DSCAM: variants seen among roughly 807,000 people sequenced by gnomAD.
DSCAM encodes DS cell adhesion molecule.
Under a neutral mutation model 217.7 loss-of-function variants are expected in DSCAM, and 47 were observed. The ratio of observed to expected loss-of-function variants is 0.22; its 90% confidence interval spans 0.17 to 0.28. The LOEUF (loss-of-function observed/expected upper bound fraction) is 0.28. Among genes scored for constraint, DSCAM ranks in the 10% least tolerant of loss-of-function variants. The pLI is 1.00. For missense variants in DSCAM, 2,080 were observed against 2,618.3 expected (o/e 0.79, Z 4.49); for synonymous variants, 1,056 against 1,015.3 (o/e 1.04, Z -0.76).
chr21:40,185,648 C>G (rs1481294435), intron 14 of DSCAM, among the ~76,000 whole-genome samples: 1 of 152,246 alleles, frequency 6.6e-6, no homozygotes, highest in Non-Finnish European at 1.5e-5. Context: ...ATCACTGTCA[C>G]TAAGTTCCAG....
intron 3 of DSCAM, among the ~76,000 whole-genome samples, chr21:40,504,531 G>A (rs1049422633): frequency 6.6e-6 from 1 of 152,234 alleles, no homozygotes; most frequent in Non-Finnish European, 1.5e-5. Context: ...GCTTTAACCT[G>A]TCAGCATGGC....
chr21:40,756,523 C>A (rs971859424), intron 1 of DSCAM, among the ~76,000 whole-genome samples: 1 of 151,972 alleles, frequency 6.6e-6, no homozygotes, highest in Non-Finnish European at 1.5e-5. Context: ...TCCCAAGTAG[C>A]TGGGATTACA....
At chr21:40,176,334 C>A (rs2090730468) in intron 15 of DSCAM, among the ~76,000 whole-genome samples, 1 of 151,990 alleles carries the variant, frequency 6.6e-6, no homozygotes, top group South Asian at 2.1e-4. Flanking sequence ...TGGGGGGCAT[C>A]CTCGTGTGCC....
intron 20 of DSCAM, among the ~76,000 whole-genome samples, chr21:40,118,514 G>A (rs934282444): frequency 6.6e-6 from 1 of 152,184 alleles, no homozygotes; most frequent in Non-Finnish European, 1.5e-5. Context: ...TTGAACCTGG[G>A]AGGTGGAGGT....
At chr21:40,080,940 A>G (rs954162309) in intron 24 of DSCAM, among the ~76,000 whole-genome samples, 1 of 152,100 alleles carries the variant, frequency 6.6e-6, no homozygotes, top group African/African-American at 2.4e-5. Context: ...TACTTTTACA[A>G]CTAGTAAGGA....
At position 40,012,956 on chromosome 21, in the gene DSCAM, G is replaced by A; in HGVS notation, c.*78C>T. On this transcript the variant is annotated 3_prime_UTR_variant, in exon 33 of 33. Transcript: ENST00000400454. ...GCAATTTTCTTTAATTATAAATATT[G>A]GAATTCCGTAAAAAAAAGGTAGCTT... 9.5e-7 allele frequency: 1 copy of A among 1,051,514 alleles called. No individual in the cohort carries two copies. The highest frequency in any genetic ancestry group is 1.3e-6 in the Non-Finnish European group (1 of 795,446). 65.1% of individuals were successfully genotyped at this position (1,051,514 alleles called of 1,614,324 possible).
At position 40,013,402 on chromosome 21, in the gene DSCAM, G is replaced by C; in HGVS notation, c.5687-16C>G. On this transcript the variant is annotated splice_polypyrimidine_tract_variant and intron_variant, in intron 32 of 32. Coordinates refer to ENST00000400454, the MANE Select transcript of DSCAM (RefSeq NM_001389.5). ...ATGAGGTCACCTAGAAGGAAAGACAGGGTAGTTAGTTGGTGTCTTCATTTG... is the reference window on the plus strand; with the variant it reads ...ATGAGGTCACCTAGAAGGAAAGACACGGTAGTTAGTTGGTGTCTTCATTTG... 1 of 1,508,340 alleles carries C rather than the reference G, an allele frequency of 6.6e-7. No homozygotes were observed. The highest frequency in any genetic ancestry group is 8.9e-7 in the Non-Finnish European group (1 of 1,126,564). The allele number at this position is 1,508,340 out of a possible 1,614,324, so 93.4% of individuals were successfully genotyped here.
At chr21:40,701,139 C>A (rs1033813337) in intron 2 of DSCAM, among the ~76,000 whole-genome samples, 2 of 152,154 alleles carry the variant, frequency 1.3e-5, no homozygotes, top group African/African-American at 4.8e-5. Flanking sequence ...AATTTAAATT[C>A]TTTAATAGAT....
intron 3 of DSCAM, among the ~76,000 whole-genome samples, chr21:40,549,391 A>G (rs369449153): frequency 1.3e-5 from 2 of 152,112 alleles, no homozygotes; most frequent in African/African-American, 4.8e-5. Flanking sequence ...TTACTTCGAG[A>G]TAAAAAAAAA....
In DSCAM at chr21:40,470,640, A is replaced by T. The variant is rs369663146; in HGVS notation, c.509-101395T>A. On this transcript the variant is annotated intron_variant, in intron 3 of 32. Transcript: ENST00000400454. ...TGATTGTTGGCTCACTGCAGCCTTG[A>T]CCTCCCCAGCTCAAGAGATCCTCCC... Among the ~76,000 whole-genome samples, 46 of 152,210 alleles carry T rather than the reference A, an allele frequency of 3.0e-4. No individual in the cohort carries two copies. The South Asian group carries it at 9.1e-3, about 30-fold the overall frequency.
chr21:40,334,750 G>A (rs931530332), intron 8 of DSCAM, among the ~76,000 whole-genome samples: 3 of 152,030 alleles, frequency 2.0e-5, no homozygotes, highest in Non-Finnish European at 4.4e-5. Flanking sequence ...TAGACTGGAA[G>A]TATTCTCCTG....
rs376663144 is a variant in DSCAM, at chr21:40,336,281, C to A, written c.1783+1820G>T. On this transcript the variant is annotated intron_variant, in intron 8 of 32. Coordinates refer to ENST00000400454, the MANE Select transcript of DSCAM (RefSeq NM_001389.5). ...TATGCGGTCTTTTCTATTTGTCAAA[C>A]AATTTCTTACAGATAAATGAGCCCA... Among the ~76,000 whole-genome samples, 24 of 152,206 alleles carry A rather than the reference C, an allele frequency of 1.6e-4. 1 individual carries two copies. The South Asian group carries it at 5.0e-3, about 32-fold the overall frequency.
chr21:40,455,173 C>T (rs1361981959), intron 3 of DSCAM, among the ~76,000 whole-genome samples: 1 of 152,052 alleles, frequency 6.6e-6, no homozygotes, highest in Admixed American at 6.6e-5. Context: ...AATGTAAGAC[C>T]AGGTTCAGAG....
intron 1 of DSCAM, among the ~76,000 whole-genome samples, chr21:40,771,582 T>C (rs2091445655): frequency 6.6e-6 from 1 of 152,216 alleles, no homozygotes; most frequent in Non-Finnish European, 1.5e-5. Context: ...ACACCGGAAC[T>C]CACTCACTCT....
intron 11 of DSCAM, among the ~76,000 whole-genome samples, chr21:40,197,134 T>C (rs2091019834): frequency 6.6e-6 from 1 of 152,186 alleles, no homozygotes; most frequent in Non-Finnish European, 1.5e-5. Flanking sequence ...TTTTTTCTTT[T>C]TTGAGACGGA....
chr21:40,410,230 G>T (rs1175986899), intron 3 of DSCAM, among the ~76,000 whole-genome samples: 1 of 152,038 alleles, frequency 6.6e-6, no homozygotes, highest in African/African-American at 2.4e-5. Context: ...ATCATTGGTT[G>T]GGATTAATAG....
chr21:40,179,208 A>AAC, intron 14 of DSCAM, 114 bp from the exon 15 acceptor site: 1 of 1,000,682 alleles, frequency 1.0e-6, no homozygotes, highest in Non-Finnish European at 1.4e-6. Flanking sequence ...AAAAAAAAAA[A>AAC]AGACGGAAAG....
At chr21:40,114,756 T>C (rs1441636610) in intron 20 of DSCAM, among the ~76,000 whole-genome samples, 7 of 152,162 alleles carry the variant, frequency 4.6e-5, no homozygotes, top group Admixed American at 1.3e-4. Context: ...GGGTGAAGGA[T>C]ACGAACAGAC....
At chr21:40,273,886 T>A (rs2073652976) in intron 11 of DSCAM, among the ~76,000 whole-genome samples, 1 of 152,152 alleles carries the variant, frequency 6.6e-6, no homozygotes, top group African/African-American at 2.4e-5. Context: ...GGCTCCCCCT[T>A]TGTGACCCAA....
Sources: allele counts gnomAD v4.1 joint callset (sites outside exome capture counted in the v4.1 genomes callset), GRCh38; gene constraint gnomAD v4.1.1; transcripts MANE v1.5; gene names NCBI Gene and HGNC (gene_info 2026-07-23, HGNC 2026-07-21).